Variants in ETF1 observed in about 807,000 individuals in gnomAD.
ETF1 encodes eukaryotic translation termination factor 1.
Under a neutral mutation model 55.1 loss-of-function variants are expected in ETF1, and 4 were observed. The ratio of observed to expected loss-of-function variants is 0.07; its 90% confidence interval spans 0.04 to 0.17. The LOEUF is 0.17. ETF1 is among the 10% of genes least tolerant of loss of function. The pLI is 1.00. For synonymous variants in ETF1, 157 were observed against 182.3 expected (o/e 0.86, Z 1.12); for missense variants, 142 against 523.6 (o/e 0.27, Z 7.11).
intron 4 of ETF1, among the ~76,000 whole-genome samples, chr5:138,516,407 C>T (rs886423442): frequency 3.9e-5 from 6 of 152,096 alleles, no homozygotes; most frequent in Admixed American, 1.3e-4. Context: ...GAGGCTGAAG[C>T]GAGCAGATCA....
intron 2 of ETF1, among the ~76,000 whole-genome samples, chr5:138,540,811 G>GCT: frequency 6.6e-6 from 1 of 152,104 alleles, no homozygotes; most frequent in Non-Finnish European, 1.5e-5. Context: ...AAACAAAGAG[G>GCT]TAAAGCCTTC....
At chr5:138,529,631 TTTGGC>T (rs2127111734) in intron 2 of ETF1, 1 of 985,484 alleles carries the variant, frequency 1.0e-6, no homozygotes, top group South Asian at 4.7e-5. Context: ...TTAGGGGCAC[TTTGGC>T]TTATCAAAGC....
At chr5:138,512,238 ATATATATATATATATATATATTTTTTT>A (rs1764828753) in intron 6 of ETF1, among the ~76,000 whole-genome samples, 1 of 5,654 alleles carries the variant, frequency 1.8e-4, no homozygotes, top group Non-Finnish European at 4.3e-4. Context: ...ATATATATAT[ATATATATATATATATATATATTTTTTT>A]TTTTTTTTAA....
Position 138,515,473 on chromosome 5 carries a change from C to T in ETF1, c.403-1767G>A, listed in dbSNP as rs191424734. On this transcript the variant is annotated intron_variant, in intron 4 of 10. Transcript: ENST00000360541. ...AAAAGACATGAATATGAATATTGCA[C>T]GTTAATAATATAGCCTTATCAAAAT... Among the ~76,000 whole-genome samples, 344 of 152,158 alleles carry T rather than the reference C, an allele frequency of 2.3e-3. 12 individuals are homozygous for T. Among genetic ancestry groups the T allele is most frequent in the Admixed American group, 0.021 (316 of 15,272 alleles).
intron 9 of ETF1, chr5:138,509,212 C>T (rs1764668016): frequency 1.0e-6 from 1 of 983,454 alleles, no homozygotes; most frequent in Non-Finnish European, 1.2e-6. Flanking sequence ...GCTCTCCAAA[C>T]CAGAATTTGA....
chr5:138,506,803 C>A lies in ETF1; in HGVS notation c.*1502G>T, dbSNP rs1471985495. ...CCTGGGAACAAGGAGCTGGTTCAGACCAATAAAGCTACGAGTGACTGAATC... is the reference window on the plus strand; with the variant it reads ...CCTGGGAACAAGGAGCTGGTTCAGAACAATAAAGCTACGAGTGACTGAATC... On this transcript the variant is annotated 3_prime_UTR_variant, in exon 11 of 11. Transcript: ENST00000360541. 6.6e-6 allele frequency: 1 copy of A among 152,584 alleles called. No individual in the cohort carries two copies. Among genetic ancestry groups the A allele is most frequent in the Non-Finnish European group, 1.5e-5 (1 of 68,030 alleles). The allele number at this position is 152,584 out of a possible 1,614,324, so 9.5% of individuals were successfully genotyped here. A position where few individuals can be genotyped will look rare whatever the true frequency, so the allele number is the denominator to read the frequency against.
chr5:138,513,103 A>G (rs1764880209), intron 5 of ETF1, 149 bp from the exon 6 acceptor site: 2 of 1,380,794 alleles, frequency 1.4e-6, no homozygotes, highest in Middle Eastern at 4.0e-4. Context: ...ATAAACTGCT[A>G]CTTGTTTTCA....
chr5:138,540,224 T>G (rs537167232), intron 2 of ETF1, among the ~76,000 whole-genome samples: 1 of 152,296 alleles, frequency 6.6e-6, no homozygotes, highest in East Asian at 1.9e-4. Flanking sequence ...TCTACACTGC[T>G]AAGGGGAGGA....
chr5:138,540,643 G>C (rs1766134171), intron 2 of ETF1, among the ~76,000 whole-genome samples: 1 of 152,180 alleles, frequency 6.6e-6, no homozygotes, highest in Non-Finnish European at 1.5e-5. Flanking sequence ...TAAAAGCAAA[G>C]TAGGACATGA....
intron 2 of ETF1, chr5:138,541,426 A>G: frequency 1.2e-6 from 1 of 831,448 alleles, no homozygotes; most frequent in Non-Finnish European, 2.0e-6. Context: ...AGTGAGCACA[A>G]GCCCGTCACT....
intron 2 of ETF1, among the ~76,000 whole-genome samples, chr5:138,520,429 T>C (rs1765186075): frequency 6.6e-6 from 1 of 152,214 alleles, no homozygotes. Context: ...CCTTTAAATT[T>C]CAACACCAAT....
intron 2 of ETF1, among the ~76,000 whole-genome samples, chr5:138,533,011 C>A (rs531898975): frequency 6.6e-6 from 1 of 152,020 alleles, no homozygotes; most frequent in South Asian, 2.1e-4. Flanking sequence ...GCCATTTCGA[C>A]TCACTGCAAC....
chr5:138,535,216 C>G (rs1366117063), intron 2 of ETF1, among the ~76,000 whole-genome samples: 1 of 151,994 alleles, frequency 6.6e-6, no homozygotes, highest in Non-Finnish European at 1.5e-5. Flanking sequence ...TCCCAAAGTA[C>G]TGGGATTACA....
chr5:138,542,268 T>C lies in ETF1; in HGVS notation c.86+565A>G, dbSNP rs188877088. Reference sequence around the variant, plus strand: ...GGAAGCTCCGGGGTAATTAGAGGACTTGGGAGAAGTCATCTTGGGACAGGT... The same window carrying C: ...GGAAGCTCCGGGGTAATTAGAGGACCTGGGAGAAGTCATCTTGGGACAGGT... On this transcript the variant is annotated intron_variant, in intron 2 of 10. Coordinates refer to ENST00000360541, the MANE Select transcript of ETF1 (RefSeq NM_004730.4). Among the ~76,000 whole-genome samples the C allele has an allele frequency of 2.3e-3, 354 of 152,266 alleles. 12 individuals carry two copies. Among genetic ancestry groups the C allele is most frequent in the Admixed American group, 0.021 (317 of 15,282 alleles).
Position 138,542,928 on chromosome 5 carries a change from T to C in ETF1, c.-10A>G. ...TGGGGTCGTCCGCCATCTTCTCGCC[T>C]CCTCCTCCCTAGAGCGGCCCGGCGG... is the stretch of plus-strand genomic sequence containing the variant. On this transcript the variant is annotated 5_prime_UTR_variant, in exon 2 of 11. Transcript: ENST00000360541. 6.2e-7 allele frequency: 1 copy of C among 1,613,360 alleles called. No individual in the cohort carries two copies. Among genetic ancestry groups the C allele is most frequent in the Non-Finnish European group, 8.5e-7 (1 of 1,179,732 alleles).
chr5:138,541,522 T>C (rs1430347474), intron 2 of ETF1: 1 of 1,533,300 alleles, frequency 6.5e-7, no homozygotes, highest in Non-Finnish European at 8.7e-7. Flanking sequence ...AACCAACCTG[T>C]GAATTGGGCC....
intron 2 of ETF1, among the ~76,000 whole-genome samples, chr5:138,529,899 C>T (rs555245203): frequency 2.6e-5 from 4 of 152,244 alleles, no homozygotes; most frequent in Admixed American, 1.3e-4. Context: ...CGCACCACCA[C>T]GCTCAGCTAA....
intron 2 of ETF1, among the ~76,000 whole-genome samples, chr5:138,537,921 TTGCTCTTGTTGCCCAGGCTGG>T (rs1554140380): frequency 1.1e-4 from 13 of 123,388 alleles, no homozygotes; most frequent in African/African-American, 1.9e-4. Flanking sequence ...AGACTGAGTT[TTGCTCTTGTTGCCCAGGCTGG>T]AGTGCAATGG....
intron 2 of ETF1, among the ~76,000 whole-genome samples, chr5:138,530,402 C>T (rs558288836): frequency 2.0e-5 from 3 of 152,232 alleles, no homozygotes; most frequent in East Asian, 3.9e-4. Flanking sequence ...CCTCAGCCTC[C>T]CAAGTAGCTG....
Sources: allele counts gnomAD v4.1 joint callset (sites outside exome capture counted in the v4.1 genomes callset), GRCh38; gene constraint gnomAD v4.1.1; transcripts MANE v1.5; gene names NCBI Gene and HGNC (gene_info 2026-07-23, HGNC 2026-07-21).